PCDH17: variants seen among roughly 807,000 people sequenced by gnomAD.
The protein encoded by PCDH17 is protocadherin 17, also known as protocadherin-17.
Under a neutral mutation model 67.7 loss-of-function variants are expected in PCDH17, and 21 were observed. The ratio of observed to expected loss-of-function variants is 0.31; its 90% CI spans 0.22 to 0.45. PCDH17 has a LOEUF of 0.45. Ranked by LOEUF, PCDH17 falls within the 20% of genes least tolerant of loss-of-function variation. The probability of loss-of-function intolerance (pLI) is 1.00; values close to 1 mark genes in which losing one functional copy is unlikely to be tolerated. For synonymous variants in PCDH17, 701 were observed against 656.7 expected, an observed-to-expected ratio of 1.07 and a Z score of -1.03; for missense variants, 1,471 against 1,564.8, an observed-to-expected ratio of 0.94 and a Z score of 1.01.
At position 57,633,085 on chromosome 13, in the gene PCDH17, G is replaced by A. The variant is rs761465051; in HGVS notation, c.539G>A (p.Gly180Glu). The change falls in exon 1 of 4, where the codon GGA becomes GAA. Residue 180 changes from glycine (G) to glutamate (E), a missense_variant. This residue lies in a region of PCDH17 where 1,163 missense variants were observed against 1,230.0 expected (regional missense o/e 0.95). Transcript: ENST00000377918. This position sits in a 1 kb window ranked among gnomAD's most constrained non-coding sequence, Gnocchi z 6.2. The part of the protein sequence containing the change: ...LLTRDDHGLF[G>E]LDVKSRGDGT... ...ACGCGCGACGATCACGGCCTCTTTG[G>A]ACTGGACGTTAAGTCCCGCGGCGAC... 7.4e-6 allele frequency: 12 copies of A among 1,613,334 alleles called. No homozygotes were observed. The African/African-American group carries it at 1.3e-4, about 18-fold the overall frequency.
At chr13:57,722,448 C>G (rs955638433) in intron 3 of PCDH17, among the ~76,000 whole-genome samples, 5 of 151,976 alleles carry the variant, frequency 3.3e-5, no homozygotes, top group African/African-American at 7.2e-5. Flanking sequence ...TTCCTTCTTT[C>G]TGAAAGATAA....
At chr13:57,645,986 A>G (rs1005022668) in intron 1 of PCDH17, among the ~76,000 whole-genome samples, 1 of 151,592 alleles carries the variant, frequency 6.6e-6, no homozygotes, top group Non-Finnish European at 1.5e-5. Context: ...TTTATTTTCT[A>G]TATGATAATT....
chr13:57,658,417 A>G (rs1955137366), intron 1 of PCDH17, among the ~76,000 whole-genome samples: 1 of 152,166 alleles, frequency 6.6e-6, no homozygotes, highest in Non-Finnish European at 1.5e-5. Flanking sequence ...CTGCTTTTAC[A>G]TTCCTGAACA....
rs143310352 is a variant in PCDH17 at position 57,685,084 on chromosome 13, G to C, written c.2797+18251G>C. Among the ~76,000 whole-genome samples, 317 of 151,974 alleles carry C rather than the reference G, an allele frequency of 2.1e-3. 3 individuals are homozygous for C. Among genetic ancestry groups the C allele is most frequent in the African/African-American group, 7.5e-3 (313 of 41,518 alleles). On this transcript the variant is annotated intron_variant, in intron 3 of 3. Coordinates refer to ENST00000377918, the MANE Select transcript of PCDH17 (RefSeq NM_001040429.3). Reference sequence around the variant, plus strand: ...TCAACATCATACTGAAATTGAAGTTGAGTCAATAGTGTGTTGCCATATAAA... The same window carrying C: ...TCAACATCATACTGAAATTGAAGTTCAGTCAATAGTGTGTTGCCATATAAA...
At chr13:57,684,887 A>G (rs1273036026) in intron 3 of PCDH17, among the ~76,000 whole-genome samples, 1 of 151,944 alleles carries the variant, frequency 6.6e-6, no homozygotes, top group African/African-American at 2.4e-5. Flanking sequence ...TGTTTGAGTG[A>G]TATGCTATCA....
chr13:57,676,460 C>T (rs1318483205), intron 3 of PCDH17, among the ~76,000 whole-genome samples: 2 of 151,612 alleles, frequency 1.3e-5, no homozygotes, highest in Non-Finnish European at 2.9e-5. Flanking sequence ...CTGAGGCACC[C>T]GTATGGAAGT....
At chr13:57,647,182 T>A (rs556603051) in intron 1 of PCDH17, among the ~76,000 whole-genome samples, 1 of 151,902 alleles carries the variant, frequency 6.6e-6, no homozygotes, top group Non-Finnish European at 1.5e-5. Flanking sequence ...TGGCAAGTAC[T>A]TTTTAGTCTT....
In PCDH17 at chr13:57,667,835, T is replaced by C. The variant is rs540376876; in HGVS notation, c.2797+1002T>C. Among the ~76,000 whole-genome samples, 52 of 149,028 alleles carry C rather than the reference T, an allele frequency of 3.5e-4. No homozygotes were observed. The South Asian group carries it at 8.8e-3, about 25-fold the overall frequency. ...TCGTTAAAATGTTTAATGCAAATATTAATATACCCATATATATAAGTATAT... is the reference window on the plus strand; with the variant it reads ...TCGTTAAAATGTTTAATGCAAATATCAATATACCCATATATATAAGTATAT... On this transcript the variant is annotated intron_variant, in intron 3 of 3. Transcript: ENST00000377918.
chr13:57,703,969 A>C (rs1266843162), intron 3 of PCDH17, among the ~76,000 whole-genome samples: 1 of 152,104 alleles, frequency 6.6e-6, no homozygotes, highest in Non-Finnish European at 1.5e-5. Flanking sequence ...TTTCTGTCAT[A>C]ATCAGAATGT....
At chr13:57,680,269 T>C (rs1459347176) in intron 3 of PCDH17, among the ~76,000 whole-genome samples, 1 of 151,574 alleles carries the variant, frequency 6.6e-6, no homozygotes, top group Non-Finnish European at 1.5e-5. Context: ...GTCTATCAGA[T>C]GAAAATATAA....
At chr13:57,673,698 T>A (rs1348246606) in intron 3 of PCDH17, among the ~76,000 whole-genome samples, 2 of 151,822 alleles carry the variant, frequency 1.3e-5, no homozygotes, top group East Asian at 1.9e-4. Flanking sequence ...GAAAAAAAAA[T>A]TACTTAGAAA....
chr13:57,702,805 T>C (rs1199897990), intron 3 of PCDH17, among the ~76,000 whole-genome samples: 1 of 152,138 alleles, frequency 6.6e-6, no homozygotes, highest in South Asian at 2.1e-4. Context: ...CTGCTCTTAT[T>C]GTCTTTGTCA....
chr13:57,637,531 G>A (rs61346023), intron 1 of PCDH17, among the ~76,000 whole-genome samples: 162 of 151,698 alleles, frequency 1.1e-3, no homozygotes, highest in African/African-American at 3.9e-3. Context: ...CTTGTTTCAG[G>A]TGCTTTTATT....
At chr13:57,663,714 A>G (rs912559641) in intron 1 of PCDH17, among the ~76,000 whole-genome samples, 2 of 152,180 alleles carry the variant, frequency 1.3e-5, no homozygotes, top group African/African-American at 4.8e-5. Flanking sequence ...TAAACTTCTG[A>G]TACTCTGCTA....
intron 3 of PCDH17, among the ~76,000 whole-genome samples, chr13:57,687,580 A>C (rs1023897299): frequency 6.6e-6 from 1 of 152,072 alleles, no homozygotes; most frequent in Non-Finnish European, 1.5e-5. Context: ...TTATCAAAGG[A>C]GTAGCTATGA....
chr13:57,667,783 C>G (rs1056501218), intron 3 of PCDH17, among the ~76,000 whole-genome samples: 2 of 149,458 alleles, frequency 1.3e-5, no homozygotes, highest in Non-Finnish European at 3.0e-5. Flanking sequence ...ATATATACCT[C>G]AACAGATACA....
At chr13:57,675,000 C>T (rs987872358) in intron 3 of PCDH17, among the ~76,000 whole-genome samples, 3 of 151,898 alleles carry the variant, frequency 2.0e-5, no homozygotes, top group Admixed American at 1.3e-4. Flanking sequence ...CACTGTAGGA[C>T]TCTTTCCATC....
chr13:57,722,379 A>G (rs1045968379), intron 3 of PCDH17, among the ~76,000 whole-genome samples: 2 of 152,206 alleles, frequency 1.3e-5, no homozygotes, highest in African/African-American at 2.4e-5. Context: ...AAAAAATTTC[A>G]TGATGCTAGA....
At chr13:57,707,901 T>A (rs4297581) in intron 3 of PCDH17, among the ~76,000 whole-genome samples, 63,732 of 151,712 alleles carry the variant, frequency 0.42, 13,598 homozygotes, top group Middle Eastern at 0.55. Context: ...TAAGGCCAAC[T>A]CTATTCCAGT....
Sources: gnomAD v4.1 joint callset for allele counts (sites outside exome capture counted in the v4.1 genomes callset) on GRCh38, gnomAD v4.1.1 for gene constraint, gnomAD v4.1.1 regional missense constraint, Gnocchi (gnomAD v3.1) non-coding constraint, MANE v1.5 for transcripts, NCBI Gene and HGNC (gene_info 2026-07-23, HGNC 2026-07-21) for gene names.